LRMDA: variants seen among roughly 807,000 people sequenced by gnomAD.
LRMDA encodes the protein leucine rich melanocyte differentiation associated.
A neutral mutation model predicts 29.8 loss-of-function variants in LRMDA; 18 were observed. That is an observed-to-expected ratio of 0.60 (90% CI 0.42 to 0.90). The LOEUF (loss-of-function observed/expected upper bound fraction) is 0.90, where lower values mean the gene tolerates loss of function less well. LRMDA is among the 40% of genes least tolerant of loss of function. The pLI is 0.00. For missense variants in LRMDA, 273 were observed against 273.9 expected, an observed-to-expected ratio of 1.00 and a Z score of 0.02; for synonymous variants, 125 against 109.4, an observed-to-expected ratio of 1.14 and a Z score of -0.89.
At position 76,432,998 on chromosome 10, in the gene LRMDA, G is replaced by T. The variant is rs139109664; in HGVS notation, c.601+108513G>T. ...GGAAGAAGGACAGAATGGACTGCTG[G>T]CGGATGAATTGGGAGGGGAGGGAAT... On this transcript the variant is annotated intron_variant, in intron 6 of 6. Coordinates refer to ENST00000611255, the MANE Select transcript of LRMDA (RefSeq NM_001305581.2). Among the ~76,000 whole-genome samples, 99 of 152,322 alleles carry T rather than the reference G, an allele frequency of 6.5e-4. 1 individual carries two copies. In the South Asian group the frequency reaches 0.012, roughly 18 times the overall value.
intron 2 of LRMDA, among the ~76,000 whole-genome samples, chr10:75,483,778 A>T (rs1844878342): frequency 6.6e-6 from 1 of 151,186 alleles, no homozygotes; most frequent in African/African-American, 2.4e-5. Context: ...GTATAATTGT[A>T]TCATATGAAA....
At chr10:75,924,214 G>A (rs567172099) in intron 2 of LRMDA, among the ~76,000 whole-genome samples, 46 of 152,230 alleles carry the variant, frequency 3.0e-4, no homozygotes, top group Admixed American at 3.9e-4. Flanking sequence ...TTTTAAAGCC[G>A]TGCAATGCAG....
chr10:76,553,763 C>T (rs766794097), intron 6 of LRMDA, among the ~76,000 whole-genome samples: 3 of 152,140 alleles, frequency 2.0e-5, no homozygotes, highest in Non-Finnish European at 4.4e-5. Flanking sequence ...AGGCAATTCT[C>T]GCTTAATTTC....
At chr10:76,018,692 C>T (rs965237015) in intron 2 of LRMDA, among the ~76,000 whole-genome samples, 4 of 149,890 alleles carry the variant, frequency 2.7e-5, no homozygotes, top group Non-Finnish European at 4.4e-5. Flanking sequence ...CTCAGCCTCC[C>T]GAGTTCCTGA....
At chr10:76,309,480 G>C (rs1262199155) in intron 5 of LRMDA, among the ~76,000 whole-genome samples, 1 of 152,070 alleles carries the variant, frequency 6.6e-6, no homozygotes, top group African/African-American at 2.4e-5. Flanking sequence ...AAATTAGTGG[G>C]AGCAGACTCG....
intron 5 of LRMDA, among the ~76,000 whole-genome samples, chr10:76,117,571 C>G (rs1003331141): frequency 6.6e-6 from 1 of 152,196 alleles, no homozygotes; most frequent in Non-Finnish European, 1.5e-5. Context: ...CATCATACAG[C>G]CTTTCCAGGC....
chr10:75,806,081 A>G (rs1843846517), intron 2 of LRMDA, among the ~76,000 whole-genome samples: 1 of 152,098 alleles, frequency 6.6e-6, no homozygotes, highest in Admixed American at 6.5e-5. Context: ...CCATGGCAAA[A>G]GCAGGGAAAG....
intron 6 of LRMDA, among the ~76,000 whole-genome samples, chr10:76,479,118 G>A (rs1842710644): frequency 6.6e-6 from 1 of 150,970 alleles, no homozygotes; most frequent in African/African-American, 2.4e-5. Context: ...TAGAATGAAA[G>A]GTTTCATAAT....
At chr10:75,809,993 G>T (rs1046812083) in intron 2 of LRMDA, among the ~76,000 whole-genome samples, 2 of 152,174 alleles carry the variant, frequency 1.3e-5, no homozygotes. Flanking sequence ...TGGCTATGCT[G>T]GTTGCATTCT....
At chr10:76,483,905 A>G (rs904633923) in intron 6 of LRMDA, among the ~76,000 whole-genome samples, 2 of 151,888 alleles carry the variant, frequency 1.3e-5, no homozygotes, top group African/African-American at 2.4e-5. Context: ...TTCCATTTGC[A>G]ACCATGATGC....
intron 5 of LRMDA, among the ~76,000 whole-genome samples, chr10:76,070,105 C>A (rs1017480109): frequency 1.3e-5 from 2 of 152,152 alleles, no homozygotes; most frequent in African/African-American, 4.8e-5. Flanking sequence ...ATGAGATAAT[C>A]TGTGGCAGGA....
intron 2 of LRMDA, among the ~76,000 whole-genome samples, chr10:75,460,287 G>T (rs1386795552): frequency 6.6e-6 from 1 of 152,108 alleles, no homozygotes; most frequent in African/African-American, 2.4e-5. Context: ...TTAAAATTTG[G>T]TGTAGTATGT....
chr10:75,994,523 G>A (rs574749575), intron 2 of LRMDA, among the ~76,000 whole-genome samples: 100 of 152,252 alleles, frequency 6.6e-4, no homozygotes, highest in African/African-American at 2.4e-3. Flanking sequence ...CTGACTCTGC[G>A]AGAACATTCC....
chr10:76,042,565 G>A (rs552592058), intron 3 of LRMDA, among the ~76,000 whole-genome samples: 1 of 152,194 alleles, frequency 6.6e-6, no homozygotes, highest in Admixed American at 6.5e-5. Flanking sequence ...TGAAATGAAT[G>A]TTTATTTGGA....
At chr10:75,461,781 C>G (rs1207009746) in intron 2 of LRMDA, among the ~76,000 whole-genome samples, 1 of 152,214 alleles carries the variant, frequency 6.6e-6, no homozygotes, top group Non-Finnish European at 1.5e-5. Context: ...CTGTTTTTCA[C>G]TCAAGGCTGG....
At chr10:76,406,700 A>G (rs1194907744) in intron 6 of LRMDA, among the ~76,000 whole-genome samples, 1 of 152,126 alleles carries the variant, frequency 6.6e-6, no homozygotes, top group Admixed American at 6.5e-5. Flanking sequence ...GTGTCCTTTC[A>G]TTCATCATGA....
At chr10:76,453,456 T>A (rs1001175406) in intron 6 of LRMDA, among the ~76,000 whole-genome samples, 8 of 152,188 alleles carry the variant, frequency 5.3e-5, no homozygotes, top group African/African-American at 1.9e-4. Context: ...TCCCAAGACT[T>A]TCAACAGTGC....
At chr10:76,425,390 C>A (rs1417759048) in intron 6 of LRMDA, among the ~76,000 whole-genome samples, 1 of 151,434 alleles carries the variant, frequency 6.6e-6, no homozygotes, top group African/African-American at 2.4e-5. Flanking sequence ...ATGAGACAGA[C>A]TCAAGTTCAA....
intron 6 of LRMDA, among the ~76,000 whole-genome samples, chr10:76,457,974 C>T (rs980609513): frequency 2.0e-5 from 3 of 152,054 alleles, no homozygotes; most frequent in Non-Finnish European, 4.4e-5. Context: ...ATGTGCGTGC[C>T]TCATATGCTC....
Sources: gnomAD v4.1 joint callset for allele counts (sites outside exome capture counted in the v4.1 genomes callset) on GRCh38, gnomAD v4.1.1 for gene constraint, MANE v1.5 for transcripts, NCBI Gene and HGNC (gene_info 2026-07-23, HGNC 2026-07-21) for gene names.